Variants in ELAVL2 observed in about 807,000 individuals in gnomAD.
The protein encoded by ELAVL2 is ELAV-like protein 2.
In ELAVL2, 4 loss-of-function variants were observed where a neutral mutation model predicts 34.6. The ratio of observed to expected loss-of-function variants is 0.12; its 90% confidence interval spans 0.06 to 0.26. The LOEUF (loss-of-function observed/expected upper bound fraction) is 0.26, where lower values mean the gene tolerates loss of function less well. ELAVL2 is among the 10% of genes least tolerant of loss of function. The pLI is 1.00. For synonymous variants in ELAVL2, 193 were observed against 154.8 expected (o/e 1.25, Z -1.83); for missense variants, 432 against 442.8 (o/e 0.98, Z 0.22).
intron 1 of ELAVL2, among the ~76,000 whole-genome samples, chr9:23,769,524 A>C (rs1588295767): frequency 6.6e-6 from 1 of 152,224 alleles, no homozygotes; most frequent in African/African-American, 2.4e-5. Context: ...ACAAGCCATT[A>C]GTTTGTTTTC....
chr9:23,720,840 C>A (rs1304675997), intron 3 of ELAVL2, among the ~76,000 whole-genome samples: 1 of 152,196 alleles, frequency 6.6e-6, no homozygotes, highest in African/African-American at 2.4e-5. Context: ...TTAAGAATCA[C>A]CTGTGGTGGC....
chr9:23,771,832 A>G (rs1588323299), intron 1 of ELAVL2, among the ~76,000 whole-genome samples: 1 of 152,308 alleles, frequency 6.6e-6, no homozygotes, highest in East Asian at 1.9e-4. Context: ...AGGGTCATTT[A>G]TATACCTCTA....
At chr9:23,843,109 T>C in the ELAVL2 span, among the ~76,000 whole-genome samples, 44 of 152,240 alleles carry the variant, frequency 2.9e-4, no homozygotes, top group South Asian at 9.1e-3. Flanking sequence ...AAAAATAGAA[T>C]TTACATTAGC....
the ELAVL2 span, among the ~76,000 whole-genome samples, chr9:23,839,679 G>A: frequency 6.6e-6 from 1 of 152,062 alleles, no homozygotes; most frequent in African/African-American, 2.4e-5. Context: ...ATGCTCTTCT[G>A]TCTCATATCT....
intron 1 of ELAVL2, among the ~76,000 whole-genome samples, chr9:23,763,467 C>T (rs2055519631): frequency 6.6e-6 from 1 of 152,018 alleles, no homozygotes; most frequent in South Asian, 2.1e-4. Flanking sequence ...CTCACCTCCA[C>T]AAAGAACTGC....
chr9:23,711,283 A>G (rs1052633888), intron 3 of ELAVL2, among the ~76,000 whole-genome samples: 2 of 152,178 alleles, frequency 1.3e-5, no homozygotes, highest in African/African-American at 4.8e-5. Flanking sequence ...TACACACAGA[A>G]CCTTAAATTT....
At chr9:23,807,050 T>C (rs954105728) in intron 1 of ELAVL2, among the ~76,000 whole-genome samples, 5 of 152,162 alleles carry the variant, frequency 3.3e-5, no homozygotes, top group Admixed American at 1.3e-4. Flanking sequence ...GCTATATCCA[T>C]GTTAAATCAA....
chr9:23,787,084 T>C (rs1588503349), intron 1 of ELAVL2, among the ~76,000 whole-genome samples: 1 of 152,122 alleles, frequency 6.6e-6, no homozygotes, highest in Non-Finnish European at 1.5e-5. Context: ...CAGATATATA[T>C]ACGGCAAATG....
intron 1 of ELAVL2, among the ~76,000 whole-genome samples, chr9:23,806,673 A>T (rs1423736315): frequency 6.6e-6 from 1 of 152,168 alleles, no homozygotes; most frequent in Non-Finnish European, 1.5e-5. Flanking sequence ...CAGAAAACAA[A>T]GTTATAAGAA....
chr9:23,726,760 C>A (rs957822959), intron 3 of ELAVL2, among the ~76,000 whole-genome samples: 1 of 152,036 alleles, frequency 6.6e-6, no homozygotes. Context: ...ACACCGTTAA[C>A]CTAACAAGTC....
At chr9:23,830,624 A>ACC (rs2065471086), upstream of ELAVL2, among the ~76,000 whole-genome samples, 1 of 124,072 alleles carries the variant, frequency 8.1e-6, no homozygotes, top group African/African-American at 2.9e-5. Context: ...ACACACACAC[A>ACC]CCTTTTTTTT....
intron 1 of ELAVL2, among the ~76,000 whole-genome samples, chr9:23,812,711 T>C (rs1349769052): frequency 6.6e-6 from 1 of 151,958 alleles, no homozygotes; most frequent in Non-Finnish European, 1.5e-5. Context: ...AAAATTAAGT[T>C]TTTAAGTGAG....
chr9:23,794,077 CATT>C (rs1458009165), intron 1 of ELAVL2, among the ~76,000 whole-genome samples: 1 of 152,202 alleles, frequency 6.6e-6, no homozygotes, highest in Non-Finnish European at 1.5e-5. Flanking sequence ...GTTCTTTCAT[CATT>C]GTGATCTAAA....
chr9:23,777,758 G>A (rs915819671), intron 1 of ELAVL2, among the ~76,000 whole-genome samples: 2 of 152,114 alleles, frequency 1.3e-5, no homozygotes, highest in East Asian at 1.9e-4. Context: ...GCTCTGCATC[G>A]CTGGCTACCA....
chr9:23,840,411 G>C, the ELAVL2 span, among the ~76,000 whole-genome samples: 1 of 148,042 alleles, frequency 6.8e-6, no homozygotes, highest in Admixed American at 6.8e-5. Context: ...TGTATGAAAA[G>C]CTCCACAGGT....
At chr9:23,802,453 T>A (rs973204144) in intron 1 of ELAVL2, among the ~76,000 whole-genome samples, 1 of 152,120 alleles carries the variant, frequency 6.6e-6, no homozygotes, top group Non-Finnish European at 1.5e-5. Context: ...CTGAAGACAA[T>A]CTTACCTCCA....
chr9:23,762,717 G>C (rs2136045391), intron 1 of ELAVL2, among the ~76,000 whole-genome samples: 1 of 152,174 alleles, frequency 6.6e-6, no homozygotes, highest in South Asian at 2.1e-4. Context: ...TTCTAAAACT[G>C]ACAGATAGCC....
chr9:23,835,503 T>C, the ELAVL2 span, among the ~76,000 whole-genome samples: 1 of 152,178 alleles, frequency 6.6e-6, no homozygotes, highest in Non-Finnish European at 1.5e-5. Context: ...TCTAGTTTTC[T>C]ATTTAGATTG....
At chr9:23,825,566 C>G (rs1319701966) in intron 1 of ELAVL2, among the ~76,000 whole-genome samples, 1 of 152,220 alleles carries the variant, frequency 6.6e-6, no homozygotes, top group Non-Finnish European at 1.5e-5. Context: ...CTACTCCCCC[C>G]TGGCCACATT....
Sources: allele counts gnomAD v4.1 joint callset (sites outside exome capture counted in the v4.1 genomes callset), GRCh38; gene constraint gnomAD v4.1.1; transcripts MANE v1.5; gene names NCBI Gene and HGNC (gene_info 2026-07-23, HGNC 2026-07-21).